LIPA: variants seen among roughly 807,000 people sequenced by gnomAD.
LIPA encodes the protein lipase A, lysosomal acid type, also known as lysosomal acid lipase/cholesteryl ester hydrolase.
Under a neutral mutation model 40.6 loss-of-function variants are expected in LIPA, and 26 were observed. The observed-to-expected ratio is 0.64, with a 90% CI of 0.47 to 0.89. LIPA has a LOEUF of 0.89. LIPA is among the 40% of genes least tolerant of loss of function. The pLI, the probability that LIPA is intolerant of heterozygous loss-of-function variation, is 0.00. For missense variants in LIPA, 455 were observed against 479.6 expected, an observed-to-expected ratio of 0.95 and a Z score of 0.48; for synonymous variants, 188 against 168.4, an observed-to-expected ratio of 1.12 and a Z score of -0.90.
At chr10:89,277,544 T>C (rs565848079) in intron 1 of LIPA, among the ~76,000 whole-genome samples, 5 of 152,150 alleles carry the variant, frequency 3.3e-5, no homozygotes, top group Non-Finnish European at 7.4e-5. Flanking sequence ...ACTGAGTGAA[T>C]TAATGAATGA....
intron 2 of LIPA, among the ~76,000 whole-genome samples, chr10:89,412,433 A>C (rs546716840): frequency 6.6e-6 from 1 of 152,196 alleles, no homozygotes; most frequent in African/African-American, 2.4e-5. Context: ...AAAGTGGACC[A>C]ATCAGCTCTC....
chr10:89,402,497 C>T (rs768117898), intron 2 of LIPA: 4 of 1,614,184 alleles, frequency 2.5e-6, no homozygotes, highest in Non-Finnish European at 3.4e-6. Flanking sequence ...CCCTGAAGAG[C>T]TTAAAAGAAG....
intron 2 of LIPA, among the ~76,000 whole-genome samples, chr10:89,406,918 T>C (rs181897455): frequency 6.6e-6 from 1 of 152,278 alleles, no homozygotes; most frequent in East Asian, 1.9e-4. Flanking sequence ...CACTTGCTAT[T>C]CATCCTATTT....
intron 1 of LIPA, among the ~76,000 whole-genome samples, chr10:89,248,156 C>T (rs1843057026): frequency 6.7e-6 from 1 of 148,720 alleles, no homozygotes; most frequent in Admixed American, 6.7e-5. Flanking sequence ...TGAGCCACCG[C>T]GCCTGCCCAG....
intron 1 of LIPA, chr10:89,293,679 T>TGAGAGAGAGAGAGAGA (rs72229492): frequency 1.2e-4 from 17 of 145,218 alleles, no homozygotes; most frequent in African/African-American, 4.1e-4. Context: ...CTGTGTGAGA[T>TGAGAGAGAGAGAGAGA]GAGAGAGAGA....
At chr10:89,344,288 C>T (rs536304312), upstream of LIPA, among the ~76,000 whole-genome samples, 38 of 152,228 alleles carry the variant, frequency 2.5e-4, no homozygotes, top group African/African-American at 8.7e-4. Context: ...AGTGAAAATC[C>T]ACCAGAATAA....
intron 2 of LIPA, among the ~76,000 whole-genome samples, chr10:89,406,657 G>A (rs966639846): frequency 1.3e-5 from 2 of 152,094 alleles, no homozygotes; most frequent in African/African-American, 4.8e-5. Context: ...CTTCACTCCT[G>A]AAGTCAGCAA....
At chr10:89,269,362 T>G (rs1010593202) in intron 1 of LIPA, among the ~76,000 whole-genome samples, 14 of 152,184 alleles carry the variant, frequency 9.2e-5, no homozygotes, top group Admixed American at 9.2e-4. Flanking sequence ...TATTTCTATT[T>G]TTTAAGCCAG....
At chr10:89,357,799 A>G (rs914691436) in intron 2 of LIPA, among the ~76,000 whole-genome samples, 13 of 152,326 alleles carry the variant, frequency 8.5e-5, no homozygotes, top group African/African-American at 2.4e-4. Context: ...GAAAGCATCA[A>G]TGCTTGGGGT....
chr10:89,361,993 G>A (rs1844025483), intron 2 of LIPA, among the ~76,000 whole-genome samples: 2 of 143,136 alleles, frequency 1.4e-5, no homozygotes, highest in Admixed American at 1.5e-4. Context: ...CAACCTCCTG[G>A]GCTCAAGCAA....
chr10:89,278,334 CTG>C (rs1434125758), intron 1 of LIPA: 1 of 152,220 alleles, frequency 6.6e-6, no homozygotes, highest in Non-Finnish European at 1.5e-5. Context: ...AGTTGAGTCA[CTG>C]TGCCCAGAAG....
intron 1 of LIPA, among the ~76,000 whole-genome samples, chr10:89,265,143 G>C (rs1253487979): frequency 6.6e-6 from 1 of 152,004 alleles, no homozygotes; most frequent in Non-Finnish European, 1.5e-5. Flanking sequence ...CCAGGAGCAG[G>C]GAGAGGCCAG....
At chr10:89,396,131 T>G (rs1022978391) in intron 2 of LIPA, among the ~76,000 whole-genome samples, 10 of 152,166 alleles carry the variant, frequency 6.6e-5, no homozygotes, top group Non-Finnish European at 1.5e-4. Flanking sequence ...TACCCAGGAA[T>G]GTGTCATATG....
chr10:89,279,225 C>A (rs1004054574), intron 1 of LIPA, among the ~76,000 whole-genome samples: 1 of 152,128 alleles, frequency 6.6e-6, no homozygotes, highest in Non-Finnish European at 1.5e-5. Context: ...TGAAATGAAC[C>A]CTGGCCTTTC....
intron 1 of LIPA, chr10:89,247,931 C>T: frequency 6.2e-6 from 1 of 162,532 alleles, no homozygotes; most frequent in Non-Finnish European, 1.3e-5. Context: ...TGCAGTGGTG[C>T]AATCTCAGCT....
chr10:89,353,551 T>A (rs1843971300), intron 2 of LIPA, among the ~76,000 whole-genome samples: 1 of 148,746 alleles, frequency 6.7e-6, no homozygotes, highest in Admixed American at 6.7e-5. Context: ...ACCCCAGAAT[T>A]TCCTTGTGGG....
intron 3 of LIPA, among the ~76,000 whole-genome samples, chr10:89,233,995 G>A (rs899996538): frequency 3.9e-5 from 6 of 152,186 alleles, no homozygotes; most frequent in Admixed American, 2.6e-4. Flanking sequence ...ATCCTCGAGG[G>A]AGTCAGACAC....
rs147011056 is a variant in LIPA, at chr10:89,290,660, A to G, written c.-1-43011T>C. Among the ~76,000 whole-genome samples, 1,149 of 152,288 alleles carry G rather than the reference A, an allele frequency of 7.5e-3. 16 individuals carry two copies. The highest frequency in any genetic ancestry group is 0.025 in the African/African-American group (1,054 of 41,544). On this transcript the variant is annotated intron_variant, in intron 1 of 5. Transcript: ENST00000282673. The stretch of plus-strand genomic sequence containing the variant: ...CTTGTGAAATTCCTTTTCCTGGCTC[A>G]TCCTAGCTCAAAAGCTCCCGCACTG...
chr10:89,412,959 G>C (rs1021941761), intron 1 of LIPA: 1 of 214,784 alleles, frequency 4.7e-6, no homozygotes, highest in Non-Finnish European at 9.8e-6. Flanking sequence ...CATCACCTAC[G>C]TATTAAGCTC....
Sources: allele counts gnomAD v4.1 joint callset (sites outside exome capture counted in the v4.1 genomes callset), GRCh38; gene constraint gnomAD v4.1.1; transcripts MANE v1.5; gene names NCBI Gene and HGNC (gene_info 2026-07-23, HGNC 2026-07-21).